The following IL12B variants were observed in gnomAD, a reference collection of about 807,000 sequenced individuals.
IL12B encodes interleukin 12B, also known as interleukin-12 subunit beta.
IL12B carries 27 observed loss-of-function variants against 39.2 expected under a neutral mutation model. That is an observed-to-expected ratio of 0.69 (90% CI 0.51 to 0.95). IL12B has a LOEUF of 0.95. Ranked by LOEUF, IL12B falls within the 40% of genes least tolerant of loss-of-function variation. IL12B has a pLI of 0.00. For synonymous variants in IL12B, 142 were observed against 152.1 expected (o/e 0.93, Z 0.49); for missense variants, 351 against 397.6 (o/e 0.88, Z 1.00).
chr5:159,318,979 G>T, intron 5 of IL12B, 86 bp from the exon 6 acceptor site: 2 of 1,130,268 alleles, frequency 1.8e-6, no homozygotes, highest in Non-Finnish European at 1.3e-6. Flanking sequence ...TTGCACCTTT[G>T]ATCAGCTGTG....
Position 159,320,195 on chromosome 5 carries a change from A to G in IL12B, c.697+111T>C, listed in dbSNP as rs537742522. The G allele has an allele frequency of 1.9e-4, 171 of 909,032 alleles. 2 individuals are homozygous for G. The South Asian group carries it at 2.3e-3, about 12-fold the overall frequency. 56.3% of individuals were successfully genotyped at this position (909,032 alleles called of 1,614,324 possible). A position where few individuals can be genotyped will look rare whatever the true frequency, so the allele number is the denominator to read the frequency against. Reference sequence around the variant, plus strand: ...ATCGTATTTTGTTTTTGGATGCAGAATAAAAGAGATGATGCTTGTCAACCA... The same window carrying G: ...ATCGTATTTTGTTTTTGGATGCAGAGTAAAAGAGATGATGCTTGTCAACCA... On this transcript the variant is annotated intron_variant, in intron 5 of 7. Coordinates refer to ENST00000231228, the MANE Select transcript of IL12B (RefSeq NM_002187.3).
intron 2 of IL12B, among the ~76,000 whole-genome samples, chr5:159,323,570 T>C (rs3212221): frequency 6.0e-4 from 92 of 152,340 alleles, no homozygotes; most frequent in African/African-American, 2.1e-3. Context: ...CTGCCTTTAA[T>C]AGTAACCTTT....
chr5:159,322,256 G>C, intron 4 of IL12B, 138 bp downstream of exon 4: 1 of 747,534 alleles, frequency 1.3e-6, no homozygotes, highest in Non-Finnish European at 2.4e-6. Flanking sequence ...TGTAGACAAG[G>C]AAGGGCGGTT....
In IL12B at chr5:159,324,049, C is replaced by T. The variant is rs368569279; in HGVS notation, c.89-720G>A. On this transcript the variant is annotated intron_variant, in intron 2 of 7. Transcript: ENST00000231228. ...ATTTTCCATGGATATTTAAGGATTT[C>T]GTTCCCTCTGTTTTAAATCACCAGT... 2.2e-4 allele frequency among the ~76,000 whole-genome samples: 34 copies of T among 152,166 alleles called. No individual in the cohort carries two copies. In the East Asian group the frequency reaches 4.2e-3, roughly 19 times the overall value.
At chr5:159,323,352 A>C in intron 2 of IL12B, 23 bp from the exon 3 acceptor site, 1 of 1,611,782 alleles carries the variant, frequency 6.2e-7, no homozygotes, top group Non-Finnish European at 8.5e-7. Context: ...TAAAGTGGAG[A>C]ACCAGGCTGT....
At chr5:159,326,935 C>T (rs1048287807) in intron 1 of IL12B, among the ~76,000 whole-genome samples, 153 bp from the exon 2 acceptor site, 2 of 152,120 alleles carry the variant, frequency 1.3e-5, no homozygotes, top group Non-Finnish European at 2.9e-5. Flanking sequence ...TCTTGATTCT[C>T]CCCTTTCTTC....
chr5:159,316,368 T>C (rs949703235), intron 7 of IL12B, among the ~76,000 whole-genome samples: 2 of 152,154 alleles, frequency 1.3e-5, no homozygotes, highest in East Asian at 1.9e-4. Context: ...CAGAACAAGA[T>C]TCTGAGTCCT....
rs752059689 is a variant in IL12B at position 159,318,933 on chromosome 5, G to A, written c.698-40C>T. 3.2e-6 allele frequency: 5 copies of A among 1,578,948 alleles called. No individual in the cohort carries two copies. The Admixed American group carries it at 6.7e-5, about 21-fold the overall frequency. On this transcript the variant is annotated intron_variant, in intron 5 of 7. Coordinates refer to ENST00000231228, the MANE Select transcript of IL12B (RefSeq NM_002187.3). ...AAACATGCTTTATTTTCCTAATAAGGCTTTGGAGTTCAGTGGTTTTGGCTT... is the reference window on the plus strand; with the variant it reads ...AAACATGCTTTATTTTCCTAATAAGACTTTGGAGTTCAGTGGTTTTGGCTT...
At chr5:159,330,077 C>G (rs1754252187) in intron 1 of IL12B, among the ~76,000 whole-genome samples, 1 of 152,180 alleles carries the variant, frequency 6.6e-6, no homozygotes, top group Non-Finnish European at 1.5e-5. Flanking sequence ...GCACCACTCA[C>G]TTTAGCTCTA....
At chr5:159,323,355 C>A (rs1441545027) in intron 2 of IL12B, 26 bp from the exon 3 acceptor site, 1 of 1,610,890 alleles carries the variant, frequency 6.2e-7, no homozygotes, top group African/African-American at 1.3e-5. Flanking sequence ...AGTGGAGAAC[C>A]AGGCTGTAAG....
chr5:159,317,930 T>G (rs1055065480), intron 6 of IL12B: 1 of 152,300 alleles, frequency 6.6e-6, no homozygotes, highest in African/African-American at 2.4e-5. Context: ...TCTGGCAGAT[T>G]GAGTTTATGT....
At chr5:159,326,574 G>A in intron 2 of IL12B, 121 bp downstream of exon 2, 1 of 711,592 alleles carries the variant, frequency 1.4e-6, no homozygotes, top group East Asian at 2.5e-5. Context: ...CCAGAGTGAT[G>A]GCTTTCTCTA....
At chr5:159,329,243 T>G (rs1052880818) in intron 1 of IL12B, among the ~76,000 whole-genome samples, 3 of 152,090 alleles carry the variant, frequency 2.0e-5, no homozygotes, top group African/African-American at 7.2e-5. Flanking sequence ...AAAGATATAG[T>G]CACAGATGGC....
At chr5:159,318,441 G>A (rs1225096095) in intron 6 of IL12B, among the ~76,000 whole-genome samples, 1 of 152,126 alleles carries the variant, frequency 6.6e-6, no homozygotes, top group Non-Finnish European at 1.5e-5. Flanking sequence ...CCATTGTGTT[G>A]TAATTGCCTA....
intron 6 of IL12B, among the ~76,000 whole-genome samples, chr5:159,317,371 A>G (rs550064930): frequency 5.3e-5 from 8 of 152,370 alleles, no homozygotes; most frequent in Admixed American, 4.6e-4. Flanking sequence ...TTTAGCACAT[A>G]GGAAGCACTC....
At chr5:159,329,678 G>C (rs893206578) in intron 1 of IL12B, among the ~76,000 whole-genome samples, 1 of 151,910 alleles carries the variant, frequency 6.6e-6, no homozygotes, top group Non-Finnish European at 1.5e-5. Context: ...TAAACTCTAA[G>C]AGGTTACCCA....
intron 2 of IL12B, among the ~76,000 whole-genome samples, chr5:159,325,973 A>T (rs528437845): frequency 1.3e-5 from 2 of 152,304 alleles, no homozygotes; most frequent in Non-Finnish European, 2.9e-5. Flanking sequence ...TCTACTAATA[A>T]TTTTTACTGA....
At position 159,326,787 on chromosome 5, in the gene IL12B, A is replaced by T; in HGVS notation, c.1-5T>A. 6.3e-7 allele frequency: 1 copy of T among 1,576,508 alleles called. No individual in the cohort carries two copies. Among genetic ancestry groups the T allele is most frequent in the Non-Finnish European group, 8.7e-7 (1 of 1,145,612 alleles). Reference sequence around the variant, plus strand: ...GACCAACTGCTGGTGACACATCTATAAGAAGGGAGAGAAGCAGGGGGAAGA... The same window carrying T: ...GACCAACTGCTGGTGACACATCTATTAGAAGGGAGAGAAGCAGGGGGAAGA... On this transcript the variant is annotated splice_polypyrimidine_tract_variant and splice_region_variant and intron_variant, in intron 1 of 7. Coordinates refer to ENST00000231228, the MANE Select transcript of IL12B (RefSeq NM_002187.3).
intron 2 of IL12B, chr5:159,325,750 G>A (rs1178158680): frequency 6.6e-6 from 1 of 152,188 alleles, no homozygotes; most frequent in Non-Finnish European, 1.5e-5. Flanking sequence ...TATGGCTCTT[G>A]TGAGAATTAA....
Sources: allele counts gnomAD v4.1 joint callset (sites outside exome capture counted in the v4.1 genomes callset), GRCh38; gene constraint gnomAD v4.1.1; transcripts MANE v1.5; gene names NCBI Gene and HGNC (gene_info 2026-07-23, HGNC 2026-07-21).